Variants in DCUN1D2 observed in about 807,000 individuals in gnomAD.
The protein encoded by DCUN1D2 is DCN1-like protein 2.
DCUN1D2 carries 29 observed loss-of-function variants against 30.9 expected under a neutral mutation model. The ratio of observed to expected loss-of-function variants is 0.94; its 90% CI spans 0.70 to 1.28. The LOEUF (loss-of-function observed/expected upper bound fraction) is 1.28, where lower values mean the gene tolerates loss of function less well. Among genes scored for constraint, DCUN1D2 ranks in the 50% most tolerant of loss-of-function variants. DCUN1D2 has a pLI of 0.00. For synonymous variants in DCUN1D2, 121 were observed against 115.3 expected, an observed-to-expected ratio of 1.05 and a Z score of -0.32; for missense variants, 325 against 316.9, an observed-to-expected ratio of 1.03 and a Z score of -0.19.
intron 4 of DCUN1D2, among the ~76,000 whole-genome samples, chr13:113,462,520 G>C (rs112482309): frequency 8.5e-5 from 13 of 152,306 alleles, no homozygotes; most frequent in African/African-American, 3.1e-4. Flanking sequence ...AGTTGGAGCT[G>C]TAGCAAGATT....
intron 6 of DCUN1D2, among the ~76,000 whole-genome samples, 186 bp from the exon 7 acceptor site, chr13:113,458,294 G>A (rs941719762): frequency 1.1e-4 from 16 of 152,204 alleles, no homozygotes; most frequent in African/African-American, 3.4e-4. Flanking sequence ...CGGCCAGGTC[G>A]GGAGCCCTGG....
Position 113,459,401 on chromosome 13 carries a change from T to C in DCUN1D2, c.611A>G (p.His204Arg). The change falls in exon 6 of 7, where the codon CAC becomes CGC. Residue 204 changes from histidine to arginine, a missense_variant. His to Arg is a conservative substitution (Grantham distance 29). Coordinates refer to ENST00000478244, the MANE Select transcript of DCUN1D2 (RefSeq NM_001014283.2). ...DLWNTFLMEH[H>R]KRSIPRDTWN... ...GGTGTCCCTTGGAATTGATCTTTTG[T>C]GATGTTCCTAATATATGAGAGAAAA... The C allele has an allele frequency of 6.5e-7, 1 of 1,546,704 alleles. No homozygotes were observed. The highest frequency in any genetic ancestry group is 8.9e-7 in the Non-Finnish European group (1 of 1,118,884).
intron 5 of DCUN1D2, 166 bp from the exon 6 acceptor site, chr13:113,459,574 TACA>T (rs1202851885): frequency 1.7e-5 from 8 of 471,458 alleles, no homozygotes; most frequent in African/African-American, 1.4e-4. Context: ...TGTTAAGTGC[TACA>T]ACAACGCTAA....
chr13:113,490,636 C>G lies in DCUN1D2; in HGVS notation c.3+31G>C. The G allele has an allele frequency of 5.7e-6, 7 of 1,232,376 alleles. No homozygotes were observed. The highest frequency in any genetic ancestry group is 7.1e-6 in the Non-Finnish European group (7 of 988,390). 76.3% of individuals were successfully genotyped at this position (1,232,376 alleles called of 1,614,324 possible). On this transcript the variant is annotated intron_variant, in intron 1 of 6. Transcript: ENST00000478244. This position sits in a 1 kb window ranked among gnomAD's most constrained non-coding sequence, Gnocchi z 5.2. Reference sequence around the variant, plus strand: ...TGGGGCCCGACCCCGACCCCGACCCCGACGGGCAGAGGCGACGCCGGGCCA... The same window carrying G: ...TGGGGCCCGACCCCGACCCCGACCCGGACGGGCAGAGGCGACGCCGGGCCA...
At chr13:113,458,697 A>T (rs1485446093) in intron 6 of DCUN1D2, among the ~76,000 whole-genome samples, 1 of 152,232 alleles carries the variant, frequency 6.6e-6, no homozygotes, top group Non-Finnish European at 1.5e-5. Context: ...GCAGAAGCTA[A>T]AACAGGCAGA....
At chr13:113,484,723 A>C (rs2044771223) in intron 1 of DCUN1D2, among the ~76,000 whole-genome samples, 2 of 152,220 alleles carry the variant, frequency 1.3e-5, no homozygotes, top group Admixed American at 1.3e-4. Context: ...AAACTGCCAA[A>C]TAGCTGTACT....
intron 2 of DCUN1D2, among the ~76,000 whole-genome samples, chr13:113,481,109 T>C (rs2044700515): frequency 6.6e-6 from 1 of 152,222 alleles, no homozygotes; most frequent in African/African-American, 2.4e-5. Context: ...AAATATACTG[T>C]ATTGATAAAG....
intron 1 of DCUN1D2, among the ~76,000 whole-genome samples, chr13:113,487,408 C>T (rs755235977): frequency 2.6e-5 from 4 of 152,214 alleles, no homozygotes; most frequent in South Asian, 2.1e-4. Flanking sequence ...AGTATTGATA[C>T]ATGCCACATG....
chr13:113,467,958 T>C (rs975983011), intron 4 of DCUN1D2, among the ~76,000 whole-genome samples: 13 of 150,624 alleles, frequency 8.6e-5, no homozygotes, highest in African/African-American at 2.9e-4. Context: ...GCAGGAGAAT[T>C]GCTTGAACCT....
intron 4 of DCUN1D2, chr13:113,462,991 T>C (rs2044343460): frequency 2.3e-6 from 1 of 427,374 alleles, no homozygotes; most frequent in South Asian, 4.3e-5. Flanking sequence ...GGACCTGATT[T>C]GTATGTTTGT....
chr13:113,490,881 G>A (rs962407841), upstream of DCUN1D2: 8 of 287,814 alleles, frequency 2.8e-5, no homozygotes, highest in Non-Finnish European at 4.8e-5. The surrounding 1 kb of genome is among the most constrained non-coding windows in gnomAD (Gnocchi z 5.2). Flanking sequence ...CCTCTGCGAG[G>A]GCCTTGGCTC....
chr13:113,472,990 T>G, intron 4 of DCUN1D2, among the ~76,000 whole-genome samples: 1 of 122,942 alleles, frequency 8.1e-6, no homozygotes, highest in African/African-American at 3.1e-5. Context: ...TGTCCCCCCG[T>G]GCCTCTGTCC....
chr13:113,490,825 C>T (rs2044966692), upstream of DCUN1D2: 1 of 560,806 alleles, frequency 1.8e-6, no homozygotes, highest in Non-Finnish European at 2.4e-6. This position sits in a 1 kb window ranked among gnomAD's most constrained non-coding sequence, Gnocchi z 5.2. Context: ...CAGCGCCGCC[C>T]GGGGGCCCAC....
chr13:113,475,425 C>G (rs1206906682), intron 3 of DCUN1D2: 1 of 152,292 alleles, frequency 6.6e-6, no homozygotes, highest in Non-Finnish European at 1.5e-5. Flanking sequence ...GGCTGCACCA[C>G]AGACGAGGTG....
In DCUN1D2 at chr13:113,484,065, T is replaced by C. The variant is rs1259870896; in HGVS notation, c.4-9A>G. 5 of 1,612,920 alleles carry C rather than the reference T, an allele frequency of 3.1e-6. No individual in the cohort carries two copies. In the African/African-American group the frequency reaches 5.3e-5, roughly 17 times the overall value. On this transcript the variant is annotated splice_polypyrimidine_tract_variant and intron_variant, in intron 1 of 6. Transcript: ENST00000478244. ...GACGATTTAAGCTTATGCTTTGGGA[T>C]GCAAAAGAAGTAGGAAAGCCAATGA...
chr13:113,457,907 T>G lies in DCUN1D2; in HGVS notation c.*122A>C. On this transcript the variant is annotated 3_prime_UTR_variant, in exon 7 of 7. Coordinates refer to ENST00000478244, the MANE Select transcript of DCUN1D2 (RefSeq NM_001014283.2). ...TCCTCCGGCAGAATGGGATGGCGCC[T>G]CTGGTTTCATGGCTGGTCAAGAATG... is the stretch of plus-strand genomic sequence containing the variant. 1.0e-6 allele frequency: 1 copy of G among 952,820 alleles called. No homozygotes were observed. The highest frequency in any genetic ancestry group is 1.6e-6 in the Non-Finnish European group (1 of 607,218). The allele number at this position is 952,820 out of a possible 1,614,324, so 59.0% of individuals were successfully genotyped here. A position where few individuals can be genotyped will look rare whatever the true frequency, so the allele number is the denominator to read the frequency against.
upstream of DCUN1D2, chr13:113,490,748 G>A (rs2044961135): frequency 1.1e-5 from 13 of 1,151,902 alleles, no homozygotes; most frequent in Non-Finnish European, 1.4e-5. The surrounding 1 kb of genome is among the most constrained non-coding windows in gnomAD (Gnocchi z 5.2). Context: ...GTCCTCGGAC[G>A]GCCGCGGCCC....
chr13:113,458,714 C>T (rs181155716), intron 6 of DCUN1D2, among the ~76,000 whole-genome samples: 2 of 152,184 alleles, frequency 1.3e-5, no homozygotes, highest in Admixed American at 6.5e-5. Context: ...CAGACAGACA[C>T]GTAAACCACC....
At chr13:113,460,115 A>G (rs1437625813) in intron 5 of DCUN1D2, among the ~76,000 whole-genome samples, 1 of 152,252 alleles carries the variant, frequency 6.6e-6, no homozygotes. Flanking sequence ...CGAGAGAAGT[A>G]ATACAGCACA....
Sources: gnomAD v4.1 joint callset for allele counts (sites outside exome capture counted in the v4.1 genomes callset) on GRCh38, gnomAD v4.1.1 for gene constraint, Gnocchi (gnomAD v3.1) non-coding constraint, MANE v1.5 for transcripts, NCBI Gene and HGNC (gene_info 2026-07-23, HGNC 2026-07-21) for gene names.